The following KIRREL3 variants were observed in gnomAD, a reference collection of about 807,000 sequenced individuals.
KIRREL3 encodes the protein kin of IRRE-like protein 3.
A neutral mutation model predicts 89.7 loss-of-function variants in KIRREL3; 36 were observed. That is an observed-to-expected ratio of 0.40 (90% CI 0.31 to 0.53). The LOEUF (loss-of-function observed/expected upper bound fraction) is 0.53. KIRREL3 is among the 20% of genes least tolerant of loss of function. The probability of loss-of-function intolerance (pLI) is 0.49; values close to 1 mark genes in which losing one functional copy is unlikely to be tolerated. For missense variants in KIRREL3, 864 were observed against 1,056.6 expected, an observed-to-expected ratio of 0.82 and a Z score of 2.53; for synonymous variants, 445 against 441.4, an observed-to-expected ratio of 1.01 and a Z score of -0.10.
rs1943667422 is a variant in KIRREL3, at chr11:126,623,763, T to C, written c.56-60851A>G. 2.0e-5 allele frequency among the ~76,000 whole-genome samples: 3 copies of C among 152,070 alleles called. No individual in the cohort carries two copies. The highest frequency in any genetic ancestry group is 2.0e-4 in the Admixed American group (3 of 15,268). The stretch of plus-strand genomic sequence containing the variant: ...AATACTAAGCTAGAAAACAAAGATA[T>C]ACATAGAAATTCTAGGTTCTCAAGA... On this transcript the variant is annotated intron_variant, in intron 1 of 16. Transcript: ENST00000525144. The surrounding 1 kb of genome is among the most constrained non-coding windows in gnomAD (Gnocchi z 4.1).
chr11:126,925,106 G>A (rs577244462), intron 1 of KIRREL3, among the ~76,000 whole-genome samples: 1 of 148,718 alleles, frequency 6.7e-6, no homozygotes, highest in African/African-American at 2.4e-5. Flanking sequence ...TCGGGGGGGG[G>A]GGGGGGCTGT....
At chr11:126,911,205 GAGACATGGGCAGAAAGGAGA>G (rs1946802281) in intron 1 of KIRREL3, among the ~76,000 whole-genome samples, 2 of 152,134 alleles carry the variant, frequency 1.3e-5, no homozygotes, top group Non-Finnish European at 2.9e-5. Context: ...CTCCAAGTAG[GAGACATGGGCAGAAAGGAGA>G]CCAGCAAATA....
In KIRREL3 at chr11:126,624,637, C is replaced by T. The variant is rs147367463; in HGVS notation, c.56-61725G>A. 1.8e-3 allele frequency among the ~76,000 whole-genome samples: 280 copies of T among 152,314 alleles called. No homozygotes were observed. Among genetic ancestry groups the T allele is most frequent in the Non-Finnish European group, 3.1e-3 (213 of 68,032 alleles). On this transcript the variant is annotated intron_variant, in intron 1 of 16. Coordinates refer to ENST00000525144, the MANE Select transcript of KIRREL3 (RefSeq NM_032531.4). This position sits in a 1 kb window ranked among gnomAD's most constrained non-coding sequence, Gnocchi z 6.0. ...AGCTGCCTAGGCATGTCGTGTAATT[C>T]AGCATTAAGTATCCTATTGATTCAC...
At chr11:126,592,947 G>C (rs748761482) in intron 1 of KIRREL3, among the ~76,000 whole-genome samples, 11 of 152,094 alleles carry the variant, frequency 7.2e-5, no homozygotes, top group Non-Finnish European at 2.9e-5. Context: ...CTGTGAGGGG[G>C]CTAGGAGCTG....
intron 1 of KIRREL3, among the ~76,000 whole-genome samples, chr11:126,759,635 G>A (rs1208464743): frequency 6.6e-6 from 1 of 152,158 alleles, no homozygotes; most frequent in Non-Finnish European, 1.5e-5. Flanking sequence ...GTTTCTAGAG[G>A]GACAAGCTCA....
In KIRREL3 at chr11:126,555,582, G is replaced by A. The variant is rs1041959454; in HGVS notation, c.133+7253C>T. ...AGCGTGGCAAGCAGGGTAGACACAG[G>A]GAGCAGGGTAGACACAGGCCCTATG... On this transcript the variant is annotated intron_variant, in intron 2 of 16. Transcript: ENST00000525144. The surrounding 1 kb of genome is among the most constrained non-coding windows in gnomAD (Gnocchi z 4.2). Among the ~76,000 whole-genome samples the A allele has an allele frequency of 3.9e-5, 6 of 152,060 alleles. No homozygotes were observed. The highest frequency in any genetic ancestry group is 1.4e-4 in the African/African-American group (6 of 41,404).
At chr11:126,552,745 T>C (rs1358396894) in intron 2 of KIRREL3, among the ~76,000 whole-genome samples, 4 of 151,870 alleles carry the variant, frequency 2.6e-5, no homozygotes, top group Admixed American at 1.3e-4. Flanking sequence ...GTATTTTTAG[T>C]AGAGACGGGG....
chr11:126,819,873 C>T (rs535220655), intron 1 of KIRREL3, among the ~76,000 whole-genome samples: 87 of 152,288 alleles, frequency 5.7e-4, no homozygotes, highest in African/African-American at 2.0e-3. Flanking sequence ...ACCACTCTCC[C>T]GACGCACCCC....
In KIRREL3 at chr11:126,803,220, C is replaced by T. The variant is rs565623347; in HGVS notation, c.55+197235G>A. Among the ~76,000 whole-genome samples, 43 of 152,182 alleles carry T rather than the reference C, an allele frequency of 2.8e-4. No homozygotes were observed. In the South Asian group the frequency reaches 7.9e-3, roughly 28 times the overall value. On this transcript the variant is annotated intron_variant, in intron 1 of 16. Coordinates refer to ENST00000525144, the MANE Select transcript of KIRREL3 (RefSeq NM_032531.4). Reference sequence around the variant, plus strand: ...GGGGACTTCATAAGAAAGTGTGAGACGTCCATGCTGTTTAGAGGAAGGTGG... The same window carrying T: ...GGGGACTTCATAAGAAAGTGTGAGATGTCCATGCTGTTTAGAGGAAGGTGG...
chr11:126,792,714 A>G (rs1022549564), intron 1 of KIRREL3, among the ~76,000 whole-genome samples: 1 of 152,262 alleles, frequency 6.6e-6, no homozygotes, highest in African/African-American at 2.4e-5. Context: ...GTTACAAGTA[A>G]CAACATGGAT....
rs181788598 is a variant in KIRREL3, at chr11:126,601,381, C to G, written c.56-38469G>C. Reference sequence around the variant, plus strand: ...GCCCTGAGGCGATGGGAACACAGCTCTGGGAGCACCTGCAATCTCATCTTG... The same window carrying G: ...GCCCTGAGGCGATGGGAACACAGCTGTGGGAGCACCTGCAATCTCATCTTG... On this transcript the variant is annotated intron_variant, in intron 1 of 16. Coordinates refer to ENST00000525144, the MANE Select transcript of KIRREL3 (RefSeq NM_032531.4). The surrounding 1 kb of genome is among the most constrained non-coding windows in gnomAD (Gnocchi z 5.8). 2.6e-5 allele frequency among the ~76,000 whole-genome samples: 4 copies of G among 152,334 alleles called. No individual in the cohort carries two copies. Among genetic ancestry groups the G allele is most frequent in the Non-Finnish European group, 4.4e-5 (3 of 68,034 alleles).
rs1220454855 is a variant in KIRREL3, at chr11:126,890,413, T to G, written c.55+110042A>C. 2.0e-5 allele frequency among the ~76,000 whole-genome samples: 3 copies of G among 152,204 alleles called. No individual in the cohort carries two copies. In the South Asian group the frequency reaches 6.2e-4, roughly 31 times the overall value. ...TCCTGTGGTGGCCTAATGTGACCTA[T>G]TATCCAGCAACTCCCATCTATTTCT... On this transcript the variant is annotated intron_variant, in intron 1 of 16. Coordinates refer to ENST00000525144, the MANE Select transcript of KIRREL3 (RefSeq NM_032531.4). This position sits in a 1 kb window ranked among gnomAD's most constrained non-coding sequence, Gnocchi z 5.1.
intron 8 of KIRREL3, 88 bp from the exon 9 acceptor site, chr11:126,446,974 T>A (rs191023669): frequency 6.8e-7 from 1 of 1,466,074 alleles, no homozygotes; most frequent in East Asian, 2.5e-5. Flanking sequence ...CCCCTAGACC[T>A]TGACTGGGGG....
rs138215108 is a variant in KIRREL3, at chr11:126,894,032, C to T, written c.55+106423G>A. Among the ~76,000 whole-genome samples, 610 of 152,288 alleles carry T rather than the reference C, an allele frequency of 4.0e-3. 1 individual carries two copies. The highest frequency in any genetic ancestry group is 0.014 in the African/African-American group (571 of 41,554). ...TTGAGATTCAAGCAGCTTCAGCAGG[C>T]TCTCCCCCAGTGCAGCTGGAAAACA... On this transcript the variant is annotated intron_variant, in intron 1 of 16. Transcript: ENST00000525144.
chr11:126,625,319 C>T lies in KIRREL3; in HGVS notation c.56-62407G>A, dbSNP rs139494997. On this transcript the variant is annotated intron_variant, in intron 1 of 16. Transcript: ENST00000525144. ...TCTCAGTTACCTTTAGGTAGGGTCT[C>T]TGGAAATCATTTGAGTATATGGCCT... Among the ~76,000 whole-genome samples the T allele has an allele frequency of 6.0e-3, 911 of 152,262 alleles. 7 individuals carry two copies. Among genetic ancestry groups the T allele is most frequent in the African/African-American group, 0.021 (858 of 41,538 alleles).
rs936617512 is a variant in KIRREL3, at chr11:126,553,505, A to G, written c.133+9330T>C. On this transcript the variant is annotated intron_variant, in intron 2 of 16. Coordinates refer to ENST00000525144, the MANE Select transcript of KIRREL3 (RefSeq NM_032531.4). This position sits in a 1 kb window ranked among gnomAD's most constrained non-coding sequence, Gnocchi z 4.7. ...GGCATTATGTGCCTGAGAGGGTGCA[A>G]AGGGAACATGTCCAGATTCAGCCCA... 1.3e-5 allele frequency among the ~76,000 whole-genome samples: 2 copies of G among 152,116 alleles called. No individual in the cohort carries two copies. Among genetic ancestry groups the G allele is most frequent in the African/African-American group, 4.8e-5 (2 of 41,408 alleles).
At chr11:126,910,217 A>G (rs976427898) in intron 1 of KIRREL3, among the ~76,000 whole-genome samples, 1 of 152,050 alleles carries the variant, frequency 6.6e-6, no homozygotes, top group African/African-American at 2.4e-5. Flanking sequence ...GAGGAGGTGG[A>G]CTTTGAGTGC....
chr11:126,866,464 C>T (rs745616392), intron 1 of KIRREL3, among the ~76,000 whole-genome samples: 34 of 152,144 alleles, frequency 2.2e-4, no homozygotes, highest in Non-Finnish European at 3.8e-4. Context: ...CAAATGGAAT[C>T]GCTCCTTGCC....
intron 2 of KIRREL3, among the ~76,000 whole-genome samples, chr11:126,534,165 A>C (rs1001242086): frequency 1.4e-5 from 2 of 147,724 alleles, no homozygotes; most frequent in South Asian, 2.1e-4. Context: ...AGGTGAGCTC[A>C]GGTGTTGGAA....
Sources: allele counts gnomAD v4.1 joint callset (sites outside exome capture counted in the v4.1 genomes callset), GRCh38; gene constraint gnomAD v4.1.1; non-coding constraint Gnocchi (gnomAD v3.1); transcripts MANE v1.5; gene names NCBI Gene and HGNC (gene_info 2026-07-23, HGNC 2026-07-21).